The following ARSB variants were observed in gnomAD, a reference collection of about 807,000 sequenced individuals.
The protein encoded by ARSB is N-acetylgalactosamine-4-sulfatase.
In ARSB, 41 loss-of-function variants were observed where a neutral mutation model predicts 50.9. The ratio of observed to expected loss-of-function variants is 0.81; its 90% CI spans 0.63 to 1.04. The LOEUF (loss-of-function observed/expected upper bound fraction) is 1.04. Among genes scored for constraint, ARSB ranks in the 50% least tolerant of loss-of-function variants. The probability of loss-of-function intolerance (pLI) is 0.00; values close to 1 mark genes in which losing one functional copy is unlikely to be tolerated. For missense variants in ARSB, 672 were observed against 693.3 expected (o/e 0.97, Z 0.35); for synonymous variants, 269 against 284.8 (o/e 0.94, Z 0.56).
intron 6 of ARSB, among the ~76,000 whole-genome samples, chr5:78,803,145 C>G (rs1417159682): frequency 6.6e-6 from 1 of 152,234 alleles, no homozygotes. Flanking sequence ...GAAGAGCAGG[C>G]CCTGTGGGCC....
chr5:78,872,560 G>T (rs1423814548), intron 5 of ARSB, among the ~76,000 whole-genome samples: 15 of 136,278 alleles, frequency 1.1e-4, no homozygotes, highest in South Asian at 2.6e-4. Flanking sequence ...GTAAACTATC[G>T]CAAGAACAAA....
intron 5 of ARSB, among the ~76,000 whole-genome samples, chr5:78,875,596 T>C (rs1028398460): frequency 2.6e-5 from 4 of 151,982 alleles, no homozygotes; most frequent in African/African-American, 9.7e-5. Context: ...TATGCCAACA[T>C]TGTTGGTAAG....
chr5:78,985,745 C>T (rs1446847519), upstream of ARSB: 4 of 152,218 alleles, frequency 2.6e-5, no homozygotes, highest in Non-Finnish European at 5.9e-5. Context: ...TGATGTCTAG[C>T]TAGCAAGTCA....
intron 6 of ARSB, among the ~76,000 whole-genome samples, chr5:78,812,041 A>T (rs867095816): frequency 2.3e-4 from 35 of 152,254 alleles, no homozygotes; most frequent in Admixed American, 2.6e-4. Context: ...TGTTCAAGCA[A>T]TTAGAAAAAG....
At chr5:78,831,147 A>T (rs1744658854) in intron 6 of ARSB, among the ~76,000 whole-genome samples, 1 of 152,134 alleles carries the variant, frequency 6.6e-6, no homozygotes, top group South Asian at 2.1e-4. Flanking sequence ...GTTTGGACAT[A>T]TTTACAGGAG....
At chr5:78,854,193 G>T (rs1047264754) in intron 5 of ARSB, among the ~76,000 whole-genome samples, 2 of 152,210 alleles carry the variant, frequency 1.3e-5, no homozygotes, top group African/African-American at 2.4e-5. Flanking sequence ...TTCCTATTCA[G>T]CCATCTTGGC....
intron 5 of ARSB, among the ~76,000 whole-genome samples, chr5:78,845,694 T>C (rs1034160600): frequency 6.6e-6 from 1 of 152,172 alleles, no homozygotes; most frequent in Admixed American, 6.5e-5. Context: ...GAGAGGTGTC[T>C]ATTCAGCTCA....
At chr5:78,861,394 C>T (rs905607232) in intron 5 of ARSB, among the ~76,000 whole-genome samples, 3 of 152,162 alleles carry the variant, frequency 2.0e-5, no homozygotes, top group African/African-American at 7.2e-5. Flanking sequence ...TCCAGCAGCA[C>T]ATCAAAAAGC....
In ARSB at chr5:78,848,178, A is replaced by G. The variant is rs1290226612; in HGVS notation, c.1143-8752T>C. On this transcript the variant is annotated intron_variant, in intron 5 of 7. Coordinates refer to ENST00000264914, the MANE Select transcript of ARSB (RefSeq NM_000046.5). ...GTTGTGCTGCACCCATTAACTCGTC[A>G]TTTAGCATTAGGTATATCTCCTAAT... Among the ~76,000 whole-genome samples, 12 of 149,618 alleles carry G rather than the reference A, an allele frequency of 8.0e-5. No individual in the cohort carries two copies. In the East Asian group the frequency reaches 2.0e-3, roughly 24 times the overall value.
At chr5:78,867,545 C>T (rs574221326) in intron 5 of ARSB, among the ~76,000 whole-genome samples, 10 of 152,026 alleles carry the variant, frequency 6.6e-5, no homozygotes, top group African/African-American at 2.4e-4. Flanking sequence ...GAGGCACCCC[C>T]CAGCAGGGGC....
In ARSB at chr5:78,832,702, G is replaced by A. The variant is rs530854274; in HGVS notation, c.1213+6654C>T. ...GGCTGTTCTTTCACCCTATAATCAG[G>A]AGCAGAAATAACATCTCATTAGAAA... On this transcript the variant is annotated intron_variant, in intron 6 of 7. Coordinates refer to ENST00000264914, the MANE Select transcript of ARSB (RefSeq NM_000046.5). Among the ~76,000 whole-genome samples the A allele has an allele frequency of 5.3e-5, 8 of 152,236 alleles. No homozygotes were observed. The South Asian group carries it at 1.7e-3, about 32-fold the overall frequency.
intron 6 of ARSB, among the ~76,000 whole-genome samples, chr5:78,837,602 G>T (rs1178363638): frequency 6.6e-6 from 1 of 152,136 alleles, no homozygotes; most frequent in African/African-American, 2.4e-5. Flanking sequence ...ATTAAGAAAG[G>T]AAGAGGAGAG....
intron 4 of ARSB, among the ~76,000 whole-genome samples, chr5:78,947,976 G>C (rs1010696127): frequency 6.6e-6 from 1 of 152,096 alleles, no homozygotes. Flanking sequence ...GATCAACCAC[G>C]TGCAACAACA....
intron 6 of ARSB, chr5:78,815,829 T>C: frequency 2.3e-6 from 3 of 1,330,704 alleles, no homozygotes; most frequent in Non-Finnish European, 1.9e-6. Flanking sequence ...TGAATTCTCA[T>C]CTTCAAAGAT....
intron 6 of ARSB, among the ~76,000 whole-genome samples, chr5:78,828,344 C>T (rs1298402201): frequency 6.6e-6 from 1 of 152,196 alleles, no homozygotes; most frequent in Non-Finnish European, 1.5e-5. Context: ...ATCCCATCTC[C>T]TTAGTGTGAC....
In ARSB at chr5:78,849,419, A is replaced by G. The variant is rs1308928836; in HGVS notation, c.1143-9993T>C. On this transcript the variant is annotated intron_variant, in intron 5 of 7. Coordinates refer to ENST00000264914, the MANE Select transcript of ARSB (RefSeq NM_000046.5). ...CTGAGGGCTCTGTTCTGTTCCATTG[A>G]TCTATATCTCTGTTTTGGTACCAGT... Among the ~76,000 whole-genome samples, 97 of 151,600 alleles carry G rather than the reference A, an allele frequency of 6.4e-4. 1 individual carries two copies. The highest frequency in any genetic ancestry group is 2.2e-3 in the African/African-American group (90 of 41,288).
chr5:78,935,410 G>A (rs1004533925), intron 4 of ARSB, among the ~76,000 whole-genome samples: 1 of 152,162 alleles, frequency 6.6e-6, no homozygotes, highest in African/African-American at 2.4e-5. Context: ...ACAGACTATT[G>A]AATTAGGAAA....
intron 6 of ARSB, among the ~76,000 whole-genome samples, chr5:78,828,163 C>T (rs192179392): frequency 3.9e-4 from 60 of 152,096 alleles, no homozygotes; most frequent in African/African-American, 1.3e-3. Context: ...AAAAGCCCAC[C>T]AAAATATTAA....
At chr5:78,796,755 G>A (rs1384132525) in intron 6 of ARSB, among the ~76,000 whole-genome samples, 10 of 152,156 alleles carry the variant, frequency 6.6e-5, no homozygotes, top group African/African-American at 2.4e-4. Flanking sequence ...CTGGGTTCAA[G>A]TGATTCTCCT....
Sources: allele counts gnomAD v4.1 joint callset (sites outside exome capture counted in the v4.1 genomes callset), GRCh38; gene constraint gnomAD v4.1.1; transcripts MANE v1.5; gene names NCBI Gene and HGNC (gene_info 2026-07-23, HGNC 2026-07-21).